The following PLEKHA6 variants were observed in gnomAD, a reference collection of about 807,000 sequenced individuals.
PLEKHA6 encodes the protein pleckstrin homology domain-containing family A member 6.
In PLEKHA6, 60 loss-of-function variants were observed where a neutral mutation model predicts 116.7. The ratio of observed to expected loss-of-function variants is 0.51; its 90% CI spans 0.42 to 0.64. PLEKHA6 has a LOEUF of 0.64. Among genes scored for constraint, PLEKHA6 ranks in the 30% least tolerant of loss-of-function variants. The pLI is 0.00. For synonymous variants in PLEKHA6, 489 were observed against 556.1 expected (o/e 0.88, Z 1.70); for missense variants, 1,338 against 1,422.7 (o/e 0.94, Z 0.96).
chr1:204,247,825 C>A (rs1663950351), intron 12 of PLEKHA6, among the ~76,000 whole-genome samples: 1 of 152,062 alleles, frequency 6.6e-6, no homozygotes, highest in Admixed American at 6.6e-5. Context: ...CATGGTGGCG[C>A]ACCCCTGTAG....
At chr1:204,290,961 C>T (rs942254594) in intron 1 of PLEKHA6, among the ~76,000 whole-genome samples, 2 of 134,092 alleles carry the variant, frequency 1.5e-5, no homozygotes, top group Admixed American at 8.6e-5. Context: ...TGCATAGCAG[C>T]GTGGGTGACA....
At position 204,228,860 on chromosome 1, in the gene PLEKHA6, A is replaced by T; in HGVS notation, c.2753T>A (p.Leu918His). Residue 918 changes from leucine to histidine, a missense_variant and splice_region_variant, in exon 20 of 23, where the codon CTC becomes CAC. Physicochemically the swap from Leu to His is moderately conservative, Grantham distance 99. Around this residue, in one of 3 missense-constraint regions of PLEKHA6, gnomAD observed 1,136 missense variants for 1,163.6 expected, o/e 0.98. Coordinates refer to ENST00000272203, the MANE Select transcript of PLEKHA6 (RefSeq NM_014935.5). The surrounding 1 kb of genome is among the most constrained non-coding windows in gnomAD (Gnocchi z 4.0). The stretch of plus-strand genomic sequence containing the variant: ...GATGAGGACTTTGTCTGGAGTGGAG[A>T]GCTATGGAGGGGCTGGGGTCACCAC... ...QHYDVDINKE[L>H]STPDKVLIPE... 6.2e-7 allele frequency: 1 copy of T among 1,613,884 alleles called. No individual in the cohort carries two copies.
chr1:204,344,765 G>C (rs1672973374), intron 1 of PLEKHA6, among the ~76,000 whole-genome samples: 1 of 152,048 alleles, frequency 6.6e-6, no homozygotes, highest in South Asian at 2.1e-4. Flanking sequence ...CATCTCCAAG[G>C]AGGAAAGCAG....
At chr1:204,242,978 G>T (rs988016536) in intron 15 of PLEKHA6, 5 of 398,302 alleles carry the variant, frequency 1.3e-5, no homozygotes, top group Admixed American at 4.4e-5. Context: ...AGTCCAGCTG[G>T]GCAGGGGTGC....
intron 16 of PLEKHA6, 93 bp downstream of exon 16, chr1:204,241,592 G>A: frequency 6.9e-7 from 1 of 1,448,544 alleles, no homozygotes; most frequent in Middle Eastern, 1.8e-4. Flanking sequence ...AAAGCCCAGG[G>A]TGTGGCACCA....
intron 3 of PLEKHA6, among the ~76,000 whole-genome samples, chr1:204,366,501 C>T (rs1558203962): frequency 6.6e-6 from 1 of 152,224 alleles, no homozygotes; most frequent in Non-Finnish European, 1.5e-5. Context: ...TGGCTCACGC[C>T]TGTAATCCCA....
At chr1:204,246,938 C>T (rs1161215795) in intron 13 of PLEKHA6, among the ~76,000 whole-genome samples, 2 of 152,150 alleles carry the variant, frequency 1.3e-5, no homozygotes, top group South Asian at 4.1e-4. Context: ...GAGTTAGAGA[C>T]CAGCCCGGCC....
intron 1 of PLEKHA6, among the ~76,000 whole-genome samples, chr1:204,310,825 G>A (rs1202449922): frequency 6.6e-6 from 1 of 152,190 alleles, no homozygotes; most frequent in Non-Finnish European, 1.5e-5. Context: ...AAAGCTCAAA[G>A]ACTTTGGGAG....
In PLEKHA6 at chr1:204,261,169, A is replaced by C. The variant is rs929812428; in HGVS notation, c.524+137T>G. On this transcript the variant is annotated intron_variant, in intron 7 of 22. Coordinates refer to ENST00000272203, the MANE Select transcript of PLEKHA6 (RefSeq NM_014935.5). This position sits in a 1 kb window ranked among gnomAD's most constrained non-coding sequence, Gnocchi z 4.0. The stretch of plus-strand genomic sequence containing the variant: ...TCACTCAGCCAGGCCTCCCGCCTGG[A>C]TGCAAGGAGACGGCTCACACATTCT... 2 of 1,026,436 alleles carry C rather than the reference A, an allele frequency of 1.9e-6. No homozygotes were observed. The allele number at this position is 1,026,436 out of a possible 1,614,324, so 63.6% of individuals were successfully genotyped here.
At chr1:204,278,839 C>G (rs756455120) in intron 1 of PLEKHA6, among the ~76,000 whole-genome samples, 1 of 152,042 alleles carries the variant, frequency 6.6e-6, no homozygotes, top group Non-Finnish European at 1.5e-5. Context: ...AACAGGTGCT[C>G]GATAAATATT....
rs1662335332 is a variant in PLEKHA6 at position 204,238,254 on chromosome 1, G to A, written c.2409+3121C>T. On this transcript the variant is annotated intron_variant, in intron 17 of 22. Transcript: ENST00000272203. This position sits in a 1 kb window ranked among gnomAD's most constrained non-coding sequence, Gnocchi z 4.2. ...GCCAACTGGGCCATATGACCCAGCG[G>A]ATCCAATGGTGCTTGAGGTGTCAGT... Among the ~76,000 whole-genome samples the A allele has an allele frequency of 6.6e-6, 1 of 152,214 alleles. No individual in the cohort carries two copies. The highest frequency in any genetic ancestry group is 1.5e-5 in the Non-Finnish European group (1 of 68,042).
chr1:204,255,480 C>A (rs1009285234), intron 9 of PLEKHA6: 1 of 606,122 alleles, frequency 1.6e-6, no homozygotes, highest in Non-Finnish European at 2.9e-6. Flanking sequence ...GGTGTGTAGG[C>A]GCAAACCAAA....
intron 17 of PLEKHA6, among the ~76,000 whole-genome samples, chr1:204,236,709 T>C (rs1478397427): frequency 6.6e-6 from 1 of 152,152 alleles, no homozygotes; most frequent in Non-Finnish European, 1.5e-5. Context: ...CATTGGCTAA[T>C]TAATCCTGGT....
intron 3 of PLEKHA6, among the ~76,000 whole-genome samples, chr1:204,365,832 T>C (rs1040158633): frequency 2.6e-5 from 4 of 152,080 alleles, no homozygotes; most frequent in Non-Finnish European, 4.4e-5. Flanking sequence ...CAAACGTGTT[T>C]CAGGTAGTGC....
At chr1:204,362,905 A>T (rs892940618), upstream of PLEKHA6, among the ~76,000 whole-genome samples, 11 of 152,206 alleles carry the variant, frequency 7.2e-5, no homozygotes, top group Admixed American at 2.6e-4. Context: ...TCACTGACTG[A>T]ACAAATTACT....
chr1:204,266,637 CA>C (rs146559701), intron 5 of PLEKHA6, among the ~76,000 whole-genome samples: 2,881 of 152,274 alleles, frequency 0.019, 86 homozygotes, highest in African/African-American at 0.064. Flanking sequence ...CCAGCAACAG[CA>C]GTGCTCTGCA....
At position 204,259,287 on chromosome 1, in the gene PLEKHA6, C is replaced by T. The variant is rs1238098996; in HGVS notation, c.978G>A (p.Arg326=). Residue 326 remains arginine, a synonymous_variant, in exon 8 of 23, where the codon CGG becomes CGA. Coordinates refer to ENST00000272203, the MANE Select transcript of PLEKHA6 (RefSeq NM_014935.5). This position sits in a 1 kb window ranked among gnomAD's most constrained non-coding sequence, Gnocchi z 4.6. ...NQLQQWVNLR[R]GVPPPEDLRS... is the part of the protein sequence containing the mutation. ...GAAGGTCTTCAGGCGGGGGTACCCC[C>T]CGGCGCAGATTCACCCACTGCTGAA... 3.1e-6 allele frequency: 5 copies of T among 1,613,946 alleles called. No individual in the cohort carries two copies. The highest frequency in any genetic ancestry group is 4.2e-6 in the Non-Finnish European group (5 of 1,180,046).
At chr1:204,320,734 C>A (rs528389390) in intron 1 of PLEKHA6, among the ~76,000 whole-genome samples, 1 of 152,192 alleles carries the variant, frequency 6.6e-6, no homozygotes, top group Non-Finnish European at 1.5e-5. Flanking sequence ...ACCTCCTGTA[C>A]GCACAGCACA....
chr1:204,339,101 C>T (rs971603642), intron 1 of PLEKHA6, among the ~76,000 whole-genome samples: 4 of 152,208 alleles, frequency 2.6e-5, no homozygotes, highest in African/African-American at 9.7e-5. Context: ...GTCTTAGAAC[C>T]AACCGCCTCA....
Sources: allele counts gnomAD v4.1 joint callset (sites outside exome capture counted in the v4.1 genomes callset), GRCh38; gene constraint gnomAD v4.1.1; regional missense constraint gnomAD v4.1.1; non-coding constraint Gnocchi (gnomAD v3.1); transcripts MANE v1.5; gene names NCBI Gene and HGNC (gene_info 2026-07-23, HGNC 2026-07-21).